SYNPR: variants seen among roughly 807,000 people sequenced by gnomAD.
SYNPR encodes synaptoporin.
A neutral mutation model predicts 32.9 loss-of-function variants in SYNPR; 23 were observed. That is an observed-to-expected ratio of 0.70 (90% CI 0.50 to 0.99). The LOEUF (loss-of-function observed/expected upper bound fraction) is 0.99, where lower values mean the gene tolerates loss of function less well. Ranked by LOEUF, SYNPR falls within the 50% of genes least tolerant of loss-of-function variation. SYNPR has a pLI of 0.00. For missense variants in SYNPR, 318 were observed against 349.3 expected, an observed-to-expected ratio of 0.91 and a Z score of 0.71; for synonymous variants, 146 against 135.9, an observed-to-expected ratio of 1.07 and a Z score of -0.52.
intron 3 of SYNPR, among the ~76,000 whole-genome samples, chr3:63,517,028 T>C (rs1701813769): frequency 6.6e-6 from 1 of 152,192 alleles, no homozygotes; most frequent in Non-Finnish European, 1.5e-5. Context: ...AACATTCTGA[T>C]TCAAAATGAA....
chr3:63,420,112 G>C (rs1033483183), intron 2 of SYNPR, among the ~76,000 whole-genome samples: 1 of 152,148 alleles, frequency 6.6e-6, no homozygotes, highest in Non-Finnish European at 1.5e-5. Flanking sequence ...TCATGGATGA[G>C]AAGATTCAAT....
intron 2 of SYNPR, among the ~76,000 whole-genome samples, chr3:63,405,448 G>A (rs2088347196): frequency 6.6e-6 from 1 of 152,102 alleles, no homozygotes; most frequent in Non-Finnish European, 1.5e-5. Flanking sequence ...ACTCCTTCAA[G>A]GAAGTGTAAA....
chr3:63,368,490 T>A (rs2087754549), intron 2 of SYNPR, among the ~76,000 whole-genome samples: 1 of 152,142 alleles, frequency 6.6e-6, no homozygotes, highest in South Asian at 2.1e-4. Flanking sequence ...TCTGGAGATG[T>A]CACTGCAGGG....
upstream of SYNPR, among the ~76,000 whole-genome samples, chr3:63,277,533 A>G (rs998846451): frequency 6.6e-6 from 1 of 152,150 alleles, no homozygotes; most frequent in Non-Finnish European, 1.5e-5. Context: ...GTAGAAATAA[A>G]ATGAGTTTGA....
At chr3:63,263,775 T>C (rs747610009) in intron 2 of SYNPR, among the ~76,000 whole-genome samples, 1 of 152,170 alleles carries the variant, frequency 6.6e-6, no homozygotes, top group East Asian at 1.9e-4. Flanking sequence ...AGAAAAAGCA[T>C]CTTAAGATAT....
rs184015689 is a variant in SYNPR, at chr3:63,609,763, A to T, written c.600+447A>T. On this transcript the variant is annotated intron_variant, in intron 5 of 5. Coordinates refer to ENST00000478300, the MANE Select transcript of SYNPR (RefSeq NM_001130003.2). ...CTCTACTAAAAATACAAAAAAAACTAGCCAGGCACGGTGGCTCATGCCTAT... is the reference window on the plus strand; with the variant it reads ...CTCTACTAAAAATACAAAAAAAACTTGCCAGGCACGGTGGCTCATGCCTAT... 5.9e-4 allele frequency among the ~76,000 whole-genome samples: 90 copies of T among 152,214 alleles called. No homozygotes were observed. In the East Asian group the frequency reaches 0.011, roughly 19 times the overall value.
intron 2 of SYNPR, among the ~76,000 whole-genome samples, chr3:63,365,676 GTTAAT>G (rs956553959): frequency 2.6e-5 from 4 of 152,046 alleles, no homozygotes; most frequent in Non-Finnish European, 5.9e-5. Flanking sequence ...TTCTCTTTTC[GTTAAT>G]TTGAGGAAAA....
At chr3:63,373,993 T>C (rs1430180372) in intron 2 of SYNPR, among the ~76,000 whole-genome samples, 2 of 152,128 alleles carry the variant, frequency 1.3e-5, no homozygotes, top group Non-Finnish European at 2.9e-5. Flanking sequence ...GCTTCATAAA[T>C]GAAGGAGGAA....
chr3:63,382,950 A>G (rs913547029), intron 2 of SYNPR, among the ~76,000 whole-genome samples: 2 of 151,978 alleles, frequency 1.3e-5, no homozygotes, highest in African/African-American at 4.8e-5. Context: ...ACATTATTCT[A>G]TCTCCTCTGT....
intron 2 of SYNPR, among the ~76,000 whole-genome samples, chr3:63,425,589 T>C (rs1217086510): frequency 6.6e-6 from 1 of 152,128 alleles, no homozygotes; most frequent in East Asian, 1.9e-4. Context: ...GGGACTATTT[T>C]CATTGAATTC....
At chr3:63,258,820 C>A (rs967276155) in intron 2 of SYNPR, among the ~76,000 whole-genome samples, 1 of 151,884 alleles carries the variant, frequency 6.6e-6, no homozygotes, top group African/African-American at 2.4e-5. Context: ...ATTGATAGAC[C>A]GCTAGCAAGA....
rs560202720 is a variant in SYNPR at position 63,253,891 on chromosome 3, A to G, written n.154+1305A>G. ...ATGTATGTTTATTGCGGCACTATTC[A>G]CAATAGCAAAGACTTGGAACCAACC... On this transcript the variant is annotated intron_variant and non_coding_transcript_variant, in intron 2 of 4. Transcript: ENST00000478456. Among the ~76,000 whole-genome samples, 5 of 152,328 alleles carry G rather than the reference A, an allele frequency of 3.3e-5. No homozygotes were observed. In the East Asian group the frequency reaches 5.8e-4, roughly 18 times the overall value.
At chr3:63,526,180 A>T (rs560191486) in intron 3 of SYNPR, among the ~76,000 whole-genome samples, 1 of 152,304 alleles carries the variant, frequency 6.6e-6, no homozygotes, top group South Asian at 2.1e-4. Flanking sequence ...AAATTTCCAC[A>T]TGAGACTTGC....
chr3:63,585,839 T>C (rs1446824844), intron 4 of SYNPR, among the ~76,000 whole-genome samples: 2 of 152,136 alleles, frequency 1.3e-5, no homozygotes, highest in African/African-American at 4.8e-5. Flanking sequence ...TAAAAGCCTA[T>C]GAAGTCAAAT....
intron 3 of SYNPR, among the ~76,000 whole-genome samples, chr3:63,527,899 A>C (rs1702044195): frequency 6.6e-6 from 1 of 152,152 alleles, no homozygotes; most frequent in Non-Finnish European, 1.5e-5. Context: ...TTAACATTCT[A>C]CTTAATTTTG....
intron 2 of SYNPR, among the ~76,000 whole-genome samples, chr3:63,338,436 A>G (rs2087322523): frequency 6.6e-6 from 1 of 152,184 alleles, no homozygotes; most frequent in Non-Finnish European, 1.5e-5. Flanking sequence ...GACATCTTCA[A>G]ATAAACAATC....
intron 2 of SYNPR, among the ~76,000 whole-genome samples, chr3:63,261,357 A>T (rs1218697211): frequency 6.6e-6 from 1 of 151,988 alleles, no homozygotes; most frequent in African/African-American, 2.4e-5. Flanking sequence ...AAAATGTGGC[A>T]CATATACACC....
chr3:63,429,774 AATGCC>A (rs1162098912), intron 2 of SYNPR, among the ~76,000 whole-genome samples: 2 of 152,300 alleles, frequency 1.3e-5, no homozygotes, highest in East Asian at 3.9e-4. Flanking sequence ...ATATTCTGAG[AATGCC>A]ATGCTTTCAA....
At chr3:63,610,985 A>C (rs1700188748) in intron 5 of SYNPR, among the ~76,000 whole-genome samples, 3 of 152,214 alleles carry the variant, frequency 2.0e-5, no homozygotes, top group African/African-American at 7.2e-5. Flanking sequence ...TGATGTATCC[A>C]TATCAGTTAA....
Sources: allele counts gnomAD v4.1 joint callset (sites outside exome capture counted in the v4.1 genomes callset), GRCh38; gene constraint gnomAD v4.1.1; transcripts MANE v1.5; gene names NCBI Gene and HGNC (gene_info 2026-07-23, HGNC 2026-07-21).